The following SND1 variants were observed in gnomAD, a reference collection of about 807,000 sequenced individuals.
SND1 encodes staphylococcal nuclease domain-containing protein 1.
Under a neutral mutation model 121.7 loss-of-function variants are expected in SND1, and 38 were observed. That is an observed-to-expected ratio of 0.31 (90% CI 0.24 to 0.41). SND1 has a LOEUF of 0.41. Ranked by LOEUF, SND1 falls within the 10% of genes least tolerant of loss-of-function variation. The pLI, the probability that SND1 is intolerant of heterozygous loss-of-function variation, is 1.00. For synonymous variants in SND1, 401 were observed against 447.4 expected, an observed-to-expected ratio of 0.90 and a Z score of 1.31; for missense variants, 868 against 1,184.6, an observed-to-expected ratio of 0.73 and a Z score of 3.92.
chr7:127,790,508 C>A (rs1797888295), intron 10 of SND1, among the ~76,000 whole-genome samples: 1 of 152,202 alleles, frequency 6.6e-6, no homozygotes, highest in Admixed American at 6.5e-5. Flanking sequence ...CCTTTTGCTC[C>A]TGCCATTTTT....
chr7:127,929,303 C>G lies in SND1; in HGVS notation c.1643C>G (p.Thr548Ser). Reference sequence around the variant, plus strand: ...CTCAAACTCTATTTGCCAAAGGAAACTTGCCTTATCACCTTCTTGCTTGCA... The same window carrying G: ...CTCAAACTCTATTTGCCAAAGGAAAGTTGCCTTATCACCTTCTTGCTTGCA... ...SRLKLYLPKE[T>S]CLITFLLAGI... The change falls in exon 15 of 24, where the codon ACT becomes AGT. Residue 548 changes from threonine to serine, a missense_variant. Physicochemically the swap from Thr to Ser is moderately conservative, Grantham distance 58. Transcript: ENST00000354725. The G allele has an allele frequency of 6.2e-7, 1 of 1,614,060 alleles. No homozygotes were observed. The highest frequency in any genetic ancestry group is 8.5e-7 in the Non-Finnish European group (1 of 1,179,956).
intron 12 of SND1, among the ~76,000 whole-genome samples, chr7:127,853,981 C>G (rs1239239360): frequency 6.6e-6 from 1 of 152,140 alleles, no homozygotes; most frequent in Admixed American, 6.5e-5. Flanking sequence ...TTGGAGTGCT[C>G]TTACTTCTTA....
chr7:127,660,063 T>C (rs1231389750), intron 1 of SND1, among the ~76,000 whole-genome samples: 5 of 151,076 alleles, frequency 3.3e-5, no homozygotes, highest in Non-Finnish European at 4.4e-5. Context: ...AGTGGAAATA[T>C]GGTTTTCCAG....
chr7:128,081,633 A>C, intron 18 of SND1, 132 bp downstream of exon 18: 3 of 1,000,714 alleles, frequency 3.0e-6, no homozygotes, highest in Non-Finnish European at 4.4e-6. Flanking sequence ...TGAAGAGCTC[A>C]CGTTGCCGCC....
chr7:127,839,504 C>G (rs552958163), intron 11 of SND1, among the ~76,000 whole-genome samples: 1 of 152,246 alleles, frequency 6.6e-6, no homozygotes, highest in East Asian at 1.9e-4. Flanking sequence ...TCATCAGCAT[C>G]AGTCTGTGAA....
intron 21 of SND1, among the ~76,000 whole-genome samples, chr7:128,088,279 TAAAAAAAA>T (rs35128808): frequency 1.9e-5 from 2 of 104,334 alleles, no homozygotes; most frequent in East Asian, 5.8e-4. Flanking sequence ...ACCCTGTCTC[TAAAAAAAA>T]AAAAAAAAAA....
chr7:128,035,593 TG>T (rs1213499491), intron 16 of SND1, among the ~76,000 whole-genome samples: 1 of 152,244 alleles, frequency 6.6e-6, no homozygotes, highest in East Asian at 1.9e-4. Flanking sequence ...CTGTCCTTTT[TG>T]ACCTCAGTTC....
rs143031437 is a variant in SND1, at chr7:127,979,260, G to A, written c.1670-11687G>A. Among the ~76,000 whole-genome samples, 139 of 152,308 alleles carry A rather than the reference G, an allele frequency of 9.1e-4. 1 individual carries two copies. Among genetic ancestry groups the A allele is most frequent in the Middle Eastern group, 3.4e-3 (1 of 294 alleles). ...GAAATAAATTTTCAGTGTGGCAAAA[G>A]AAACAGCACTCGAACATAAATTTTC... is the stretch of plus-strand genomic sequence containing the variant. On this transcript the variant is annotated intron_variant, in intron 15 of 23. Coordinates refer to ENST00000354725, the MANE Select transcript of SND1 (RefSeq NM_014390.4).
chr7:127,986,080 A>T (rs1176557797), intron 15 of SND1, among the ~76,000 whole-genome samples: 1 of 152,198 alleles, frequency 6.6e-6, no homozygotes, highest in East Asian at 1.9e-4. Flanking sequence ...GAAAAAGTGA[A>T]CACATTCTGA....
At chr7:127,818,117 T>C (rs1468700) in intron 11 of SND1, among the ~76,000 whole-genome samples, 3,408 of 152,342 alleles carry the variant, frequency 0.022, 54 homozygotes, top group Non-Finnish European at 0.034. Flanking sequence ...TATAATAATA[T>C]AGACTTGGAG....
At chr7:128,044,616 CT>C (rs1182465200) in intron 16 of SND1, among the ~76,000 whole-genome samples, 6 of 123,948 alleles carry the variant, frequency 4.8e-5, no homozygotes, top group South Asian at 6.4e-4. Context: ...TTCTTCCCCC[CT>C]CCCATCTCCC....
intron 15 of SND1, among the ~76,000 whole-genome samples, chr7:127,990,536 G>A (rs1563080754): frequency 6.6e-6 from 1 of 152,170 alleles, no homozygotes; most frequent in Non-Finnish European, 1.5e-5. Flanking sequence ...AGTGAGAATG[G>A]CACTTAGGAG....
intron 16 of SND1, among the ~76,000 whole-genome samples, chr7:128,051,039 AG>A (rs1793037673): frequency 6.6e-6 from 1 of 152,178 alleles, no homozygotes; most frequent in Admixed American, 6.5e-5. Context: ...ACTGGGAAGG[AG>A]GGGGCTCAGG....
intron 10 of SND1, among the ~76,000 whole-genome samples, chr7:127,793,647 G>T (rs1330071532): frequency 6.6e-6 from 1 of 152,122 alleles, no homozygotes; most frequent in African/African-American, 2.4e-5. Context: ...GGAAGGACAA[G>T]GGTATTTAGG....
chr7:127,806,927 C>T (rs143193937), intron 10 of SND1, among the ~76,000 whole-genome samples: 1 of 152,112 alleles, frequency 6.6e-6, no homozygotes, highest in Non-Finnish European at 1.5e-5. Flanking sequence ...CCCCTGCACT[C>T]CAGCCTGGGC....
chr7:128,084,818 C>T lies in SND1; in HGVS notation c.2205C>T (p.Phe735=), dbSNP rs756923730. 3.9e-5 allele frequency: 63 copies of T among 1,602,744 alleles called. No individual in the cohort carries two copies. The highest frequency in any genetic ancestry group is 4.5e-5 in the Non-Finnish European group (53 of 1,172,030). The part of the protein sequence containing the change: ...EGSYAPRRGE[F]CIAKFVDGEW... ...CCTATGCCCCCCGCAGGGGAGAGTT[C>T]TGCATTGCCAAATTTGTAGATGGAG... The change falls in exon 19 of 24, where the codon TTC becomes TTT. Residue 735 remains phenylalanine, a synonymous_variant. Transcript: ENST00000354725.
intron 16 of SND1, among the ~76,000 whole-genome samples, chr7:128,067,689 G>A (rs909274426): frequency 2.6e-5 from 4 of 152,162 alleles, no homozygotes; most frequent in Non-Finnish European, 4.4e-5. Context: ...CTGAGGCTCA[G>A]TAATTTTCTG....
At chr7:127,873,885 A>G (rs1799641290) in intron 12 of SND1, among the ~76,000 whole-genome samples, 1 of 152,070 alleles carries the variant, frequency 6.6e-6, no homozygotes, top group Admixed American at 6.6e-5. Flanking sequence ...GCAAGAAACA[A>G]CAACAACTCT....
chr7:127,922,396 G>A (rs545727739), intron 14 of SND1, among the ~76,000 whole-genome samples: 26 of 151,846 alleles, frequency 1.7e-4, no homozygotes, highest in African/African-American at 3.9e-4. Flanking sequence ...GTGATTGTCC[G>A]AATGGTGCTT....
Sources: allele counts gnomAD v4.1 joint callset (sites outside exome capture counted in the v4.1 genomes callset), GRCh38; gene constraint gnomAD v4.1.1; transcripts MANE v1.5; gene names NCBI Gene and HGNC (gene_info 2026-07-23, HGNC 2026-07-21).